PLIN4: variants seen among roughly 807,000 people sequenced by gnomAD.
The protein encoded by PLIN4 is perilipin-4.
Under a neutral mutation model 52.4 loss-of-function variants are expected in PLIN4, and 57 were observed. The observed-to-expected ratio is 1.09, with a 90% confidence interval of 0.88 to 1.36. The LOEUF (loss-of-function observed/expected upper bound fraction) is 1.36, where lower values mean the gene tolerates loss of function less well. PLIN4 is among the 40% of genes most tolerant of loss of function. The pLI, the probability that PLIN4 is intolerant of heterozygous loss-of-function variation, is 0.00. For synonymous variants in PLIN4, 826 were observed against 785.4 expected, an observed-to-expected ratio of 1.05 and a Z score of -0.86; for missense variants, 1,757 against 1,770.3, an observed-to-expected ratio of 0.99 and a Z score of 0.13.
intron 6 of PLIN4, among the ~76,000 whole-genome samples, chr19:4,506,367 CCTCT>C (rs1171282355): frequency 1.7e-4 from 26 of 152,232 alleles, no homozygotes; most frequent in Non-Finnish European, 2.9e-5. Context: ...TGACGCACTC[CCTCT>C]CTGTCATTTA....
At chr19:4,508,164 C>A (rs573261921) in intron 6 of PLIN4, among the ~76,000 whole-genome samples, 1 of 152,320 alleles carries the variant, frequency 6.6e-6, no homozygotes, top group Non-Finnish European at 1.5e-5. Flanking sequence ...AGAGCTGTCT[C>A]CCCATCGGTC....
At chr19:4,516,569 C>T in intron 4 of PLIN4, 48 bp downstream of exon 4, 2 of 1,559,950 alleles carry the variant, frequency 1.3e-6, no homozygotes, top group East Asian at 2.4e-5. Context: ...GGAGGGGGCA[C>T]CCCCAGGGCT....
chr19:4,509,906 C>G lies in PLIN4; in HGVS notation c.3514+540G>C, dbSNP rs189269492. On this transcript the variant is annotated intron_variant, in intron 5 of 7. Transcript: ENST00000301286. ...TCCAGTGTGGGTGACAGAGCAAGAC[C>G]TTGTCTCTAAAAAAATGAAAAAGGG... is the stretch of plus-strand genomic sequence containing the variant. Among the ~76,000 whole-genome samples the G allele has an allele frequency of 2.0e-5, 3 of 150,744 alleles. No homozygotes were observed. The East Asian group carries it at 5.9e-4, about 30-fold the overall frequency.
chr19:4,510,916 C>T lies in PLIN4; in HGVS notation c.3044G>A (p.Gly1015Asp), dbSNP rs537293919. Residue 1015 changes from glycine (G) to aspartate (D), a missense_variant, in exon 5 of 8, where the codon GGC (glycine) becomes GAC (aspartate). Physicochemically the swap from Gly to Asp is moderately conservative, Grantham distance 94. Transcript: ENST00000301286. Reference protein sequence around the residue: ...MSMAKGAVQGGLDTTKTVLTG... With the variant: ...MSMAKGAVQGDLDTTKTVLTG... ...CAGCACTGTCTTGGTGGTGTCCAGGCCCCCCTGGACGGCCCCTTTGGCCAT... is the reference window on the plus strand; with the variant it reads ...CAGCACTGTCTTGGTGGTGTCCAGGTCCCCCTGGACGGCCCCTTTGGCCAT... 14 of 1,613,366 alleles carry T rather than the reference C, an allele frequency of 8.7e-6. No individual in the cohort carries two copies. In the East Asian group the frequency reaches 2.2e-4, roughly 26 times the overall value.
At chr19:4,506,486 C>G (rs1351853531) in intron 6 of PLIN4, among the ~76,000 whole-genome samples, 1 of 152,178 alleles carries the variant, frequency 6.6e-6, no homozygotes, top group Non-Finnish European at 1.5e-5. Context: ...ACGCGACGCC[C>G]TATATATTCA....
chr19:4,505,232 C>T (rs548743730), intron 6 of PLIN4, among the ~76,000 whole-genome samples: 2 of 152,304 alleles, frequency 1.3e-5, no homozygotes, highest in South Asian at 2.1e-4. Context: ...AGATAAAACC[C>T]AGCTCCTCAC....
intron 4 of PLIN4, among the ~76,000 whole-genome samples, chr19:4,516,312 C>A (rs11878708): frequency 6.6e-6 from 1 of 152,156 alleles, no homozygotes; most frequent in Non-Finnish European, 1.5e-5. Flanking sequence ...AAAGTGCTTA[C>A]GCTGCTGTCG....
intron 6 of PLIN4, among the ~76,000 whole-genome samples, chr19:4,505,966 A>C (rs1052227105): frequency 3.3e-5 from 5 of 151,522 alleles, no homozygotes; most frequent in African/African-American, 1.2e-4. Context: ...CCCACATCGG[A>C]CCCGGGCAGC....
rs778109394 is a variant in PLIN4 at position 4,508,843 on chromosome 19, G to A, written c.3627C>T (p.His1209=). ...GGCCGTGCTGCAGGTGGCTCACCGC[G>A]TGTTCAAATGCCCGCTGGCGGAAGC... is the stretch of plus-strand genomic sequence containing the variant. The part of the protein sequence containing the change: ...GPSFRQRAFE[H]AVSHLQHGQF... Residue 1209 remains histidine, a synonymous_variant, in exon 6 of 8, where the codon CAC becomes CAT. Coordinates refer to ENST00000301286, the MANE Select transcript of PLIN4 (RefSeq NM_001367868.2). 9 of 1,610,276 alleles carry A rather than the reference G, an allele frequency of 5.6e-6. No individual in the cohort carries two copies. The highest frequency in any genetic ancestry group is 1.1e-5 in the South Asian group (1 of 90,328).
chr19:4,504,292 A>T lies in PLIN4; in HGVS notation c.*167T>A. 1.5e-6 allele frequency: 1 copy of T among 677,472 alleles called. No homozygotes were observed. Among genetic ancestry groups the T allele is most frequent in the Non-Finnish European group, 2.4e-6 (1 of 424,386 alleles). 42.0% of individuals were successfully genotyped at this position (677,472 alleles called of 1,614,324 possible). On this transcript the variant is annotated 3_prime_UTR_variant, in exon 8 of 8. Coordinates refer to ENST00000301286, the MANE Select transcript of PLIN4 (RefSeq NM_001367868.2). The stretch of plus-strand genomic sequence containing the variant: ...GAGCAGGGCGTGGGGTGGCTCAGTT[A>T]AGAAGGTCACTGCCTCCGCAGCCCC...
Position 4,504,283 on chromosome 19 carries a change from G to A in PLIN4, c.*176C>T. 1.6e-6 allele frequency: 1 copy of A among 620,628 alleles called. No individual in the cohort carries two copies. 38.4% of individuals were successfully genotyped at this position (620,628 alleles called of 1,614,324 possible). ...GCAGGCCCGGAGCAGGGCGTGGGGT[G>A]GCTCAGTTAAGAAGGTCACTGCCTC... On this transcript the variant is annotated 3_prime_UTR_variant, in exon 8 of 8. Transcript: ENST00000301286.
chr19:4,517,405 TCCA>T (rs1242909867), intron 3 of PLIN4, 146 bp downstream of exon 3: 10 of 1,114,010 alleles, frequency 9.0e-6, no homozygotes, highest in Admixed American at 3.1e-5. Flanking sequence ...AGTTTCCCCA[TCCA>T]CCACAAGATG....
At chr19:4,515,440 TG>T (rs1976560424) in intron 4 of PLIN4, among the ~76,000 whole-genome samples, 1 of 151,900 alleles carries the variant, frequency 6.6e-6, no homozygotes. Flanking sequence ...AGCTAATTTT[TG>T]TATTTTTAGT....
intron 4 of PLIN4, among the ~76,000 whole-genome samples, chr19:4,516,384 G>A (rs1264734062): frequency 6.6e-6 from 1 of 152,086 alleles, no homozygotes; most frequent in Non-Finnish European, 1.5e-5. Context: ...GATTAGAGTG[G>A]GGTAGCACTG....
chr19:4,508,194 C>T (rs1056978748), intron 6 of PLIN4, among the ~76,000 whole-genome samples: 3 of 152,180 alleles, frequency 2.0e-5, no homozygotes, highest in African/African-American at 4.8e-5. Flanking sequence ...CCCAGAGGGA[C>T]GGCCTTCCTG....
In PLIN4 at chr19:4,504,723, G is replaced by A. The variant is rs768522670; in HGVS notation, c.3852C>T (p.Tyr1284=). The A allele has an allele frequency of 4.4e-6, 7 of 1,600,660 alleles. No homozygotes were observed. Among genetic ancestry groups the A allele is most frequent in the Non-Finnish European group, 5.1e-6 (6 of 1,176,228 alleles). Residue 1284 remains tyrosine (Y), a synonymous_variant, in exon 8 of 8, where the codon TAC becomes TAT. Coordinates refer to ENST00000301286, the MANE Select transcript of PLIN4 (RefSeq NM_001367868.2). The part of the protein sequence containing the change: ...CGLLRQLHTA[Y]SGLVSSLQGL... ...CCTGGAGGCTGGAGACCAGGCCACT[G>A]TAGGCCGTGTGCAGCTGCCGGAGAA...
In PLIN4 at chr19:4,511,331, T is replaced by G. The variant is rs1169410887; in HGVS notation, c.2629A>C (p.Lys877Gln). Reference sequence around the variant, plus strand: ...TCCAGGCCCCCCTGGACGGCCCCTTTGGCCACTTTCGCAGCACCGGTCACC... The same window carrying G: ...TCCAGGCCCCCCTGGACGGCCCCTTGGGCCACTTTCGCAGCACCGGTCACC... Reference protein sequence around the residue: ...SGVTGAAKVAKGAVQGGLDTT... With the variant: ...SGVTGAAKVAQGAVQGGLDTT... Residue 877 changes from lysine (K) to glutamine (Q), a missense_variant, in exon 5 of 8, where the codon AAA becomes CAA. Coordinates refer to ENST00000301286, the MANE Select transcript of PLIN4 (RefSeq NM_001367868.2). 1 of 1,594,082 alleles carries G rather than the reference T, an allele frequency of 6.3e-7. No homozygotes were observed. The highest frequency in any genetic ancestry group is 1.4e-5 in the African/African-American group (1 of 72,706).
At chr19:4,515,763 A>G (rs1976567675) in intron 4 of PLIN4, among the ~76,000 whole-genome samples, 1 of 152,132 alleles carries the variant, frequency 6.6e-6, no homozygotes. Flanking sequence ...CCAACCCCAA[A>G]TATCCACAGT....
intron 4 of PLIN4, among the ~76,000 whole-genome samples, chr19:4,515,654 G>T (rs1976565272): frequency 6.6e-6 from 1 of 152,166 alleles, no homozygotes; most frequent in South Asian, 2.1e-4. Context: ...ATCTGTAGTT[G>T]TCACAACTTG....
Sources: gnomAD v4.1 joint callset for allele counts (sites outside exome capture counted in the v4.1 genomes callset) on GRCh38, gnomAD v4.1.1 for gene constraint, MANE v1.5 for transcripts, NCBI Gene and HGNC (gene_info 2026-07-23, HGNC 2026-07-21) for gene names.